PHYHIPL: variants seen among roughly 807,000 people sequenced by gnomAD.
PHYHIPL encodes the protein phytanoyl-CoA hydroxylase-interacting protein-like.
Under a neutral mutation model 33.4 loss-of-function variants are expected in PHYHIPL, and 9 were observed. The ratio of observed to expected loss-of-function variants is 0.27; its 90% CI spans 0.16 to 0.47. The LOEUF (loss-of-function observed/expected upper bound fraction) is 0.47, where lower values mean the gene tolerates loss of function less well. PHYHIPL is among the 20% of genes least tolerant of loss of function. PHYHIPL has a pLI of 0.99. For missense variants in PHYHIPL, 365 were observed against 460.7 expected, an observed-to-expected ratio of 0.79 and a Z score of 1.90; for synonymous variants, 153 against 154.1, an observed-to-expected ratio of 0.99 and a Z score of 0.05.
chr10:59,209,096 C>T (rs561294603), intron 1 of PHYHIPL, among the ~76,000 whole-genome samples: 2,385 of 151,934 alleles, frequency 0.016, 32 homozygotes, highest in Non-Finnish European at 0.026. Flanking sequence ...AGATACTCCT[C>T]GAGAAGAGCA....
intron 1 of PHYHIPL, among the ~76,000 whole-genome samples, chr10:59,218,119 A>G (rs1839667097): frequency 6.6e-6 from 1 of 152,248 alleles, no homozygotes; most frequent in South Asian, 2.1e-4. Flanking sequence ...GGTTTTGAAC[A>G]TTTTGGGCCT....
chr10:59,203,829 A>G (rs747810377), intron 1 of PHYHIPL, among the ~76,000 whole-genome samples: 7 of 152,150 alleles, frequency 4.6e-5, no homozygotes, highest in Non-Finnish European at 8.8e-5. Context: ...TGGTGAGTTA[A>G]TGGGTGCAGC....
intron 1 of PHYHIPL, among the ~76,000 whole-genome samples, chr10:59,196,108 T>G (rs753847987): frequency 4.6e-5 from 7 of 152,214 alleles, no homozygotes; most frequent in Admixed American, 2.6e-4. Flanking sequence ...CCCATTCTTG[T>G]GTGATACCTT....
chr10:59,225,661 T>C (rs183246647), intron 1 of PHYHIPL, among the ~76,000 whole-genome samples: 7 of 152,316 alleles, frequency 4.6e-5, no homozygotes, highest in Admixed American at 4.6e-4. Context: ...TAAACTAATA[T>C]GAAGTTTCTT....
At chr10:59,244,581 A>AAAAAAAAAAAAAAAAAAC in intron 4 of PHYHIPL, among the ~76,000 whole-genome samples, 1 of 148,756 alleles carries the variant, frequency 6.7e-6, no homozygotes, top group Non-Finnish European at 1.5e-5. Context: ...AAAAAAAAAA[A>AAAAAAAAAAAAAAAAAAC]AAAAAGCCAA....
intron 1 of PHYHIPL, chr10:59,219,346 GA>G (rs112522607): frequency 0.043 from 21,519 of 502,998 alleles, 1,727 homozygotes; most frequent in African/African-American, 0.25. Flanking sequence ...ATATAAAAAT[GA>G]AGTACCCATC....
chr10:59,182,308 C>T (rs1333977215), intron 1 of PHYHIPL, among the ~76,000 whole-genome samples: 1 of 152,006 alleles, frequency 6.6e-6, no homozygotes, highest in Non-Finnish European at 1.5e-5. Context: ...ACTATAAAAC[C>T]TATACCTCCT....
At chr10:59,203,373 T>C in intron 1 of PHYHIPL, among the ~76,000 whole-genome samples, 1 of 152,132 alleles carries the variant, frequency 6.6e-6, no homozygotes, top group Non-Finnish European at 1.5e-5. Flanking sequence ...TCCTCAAGGA[T>C]CTAGAACTAG....
intron 1 of PHYHIPL, among the ~76,000 whole-genome samples, chr10:59,198,942 G>C (rs1277910692): frequency 6.6e-6 from 1 of 152,112 alleles, no homozygotes; most frequent in Non-Finnish European, 1.5e-5. Context: ...GTTCTTTGTA[G>C]ATTCTAGATA....
intron 1 of PHYHIPL, among the ~76,000 whole-genome samples, chr10:59,197,732 T>C (rs549582138): frequency 1.4e-4 from 21 of 152,366 alleles, no homozygotes; most frequent in African/African-American, 5.0e-4. Flanking sequence ...GTATGTTGGT[T>C]ACAATTACCA....
chr10:59,232,246 G>A (rs893183052), intron 1 of PHYHIPL, among the ~76,000 whole-genome samples: 5 of 151,806 alleles, frequency 3.3e-5, no homozygotes, highest in Non-Finnish European at 4.4e-5. Flanking sequence ...AGAAAATTAC[G>A]ACTACCTAAG....
At chr10:59,180,255 T>TACACACAC (rs199854033) in intron 1 of PHYHIPL, among the ~76,000 whole-genome samples, 2 of 105,006 alleles carry the variant, frequency 1.9e-5, no homozygotes, top group African/African-American at 8.8e-5. Flanking sequence ...TAATCATATA[T>TACACACAC]ATACACACAC....
intron 1 of PHYHIPL, among the ~76,000 whole-genome samples, chr10:59,197,612 C>A (rs922296380): frequency 1.3e-5 from 2 of 152,098 alleles, no homozygotes; most frequent in African/African-American, 4.8e-5. Context: ...GGCCAGCATT[C>A]CCTGCTTTTA....
intron 1 of PHYHIPL, among the ~76,000 whole-genome samples, chr10:59,203,933 A>G (rs1187570257): frequency 6.6e-6 from 1 of 152,122 alleles, no homozygotes; most frequent in Non-Finnish European, 1.5e-5. Context: ...AAAAAAGGCC[A>G]TAGATAATGG....
At chr10:59,210,556 C>T (rs897977385) in intron 1 of PHYHIPL, among the ~76,000 whole-genome samples, 3 of 152,152 alleles carry the variant, frequency 2.0e-5, no homozygotes, top group African/African-American at 7.2e-5. Context: ...TACCATTTAA[C>T]CCAGCAATCC....
At position 59,246,959 on chromosome 10, in the gene PHYHIPL, C is replaced by T. The variant is rs996695600; in HGVS notation, c.*1368C>T. 1.3e-5 allele frequency: 3 copies of T among 230,290 alleles called. No individual in the cohort carries two copies. The highest frequency in any genetic ancestry group is 6.8e-5 in the African/African-American group (3 of 44,444). The allele number at this position is 230,290 out of a possible 1,614,324, so 14.3% of individuals were successfully genotyped here. A position where few individuals can be genotyped will look rare whatever the true frequency, so the allele number is the denominator to read the frequency against. ...GACAAAGATAATAATTCACAAAGTA[C>T]ATGCTATCAGAATGAACTTTGGTAA... is the stretch of plus-strand genomic sequence containing the variant. On this transcript the variant is annotated 3_prime_UTR_variant, in exon 5 of 5. Coordinates refer to ENST00000373880, the MANE Select transcript of PHYHIPL (RefSeq NM_032439.4).
At position 59,246,508 on chromosome 10, in the gene PHYHIPL, G is replaced by C; in HGVS notation, c.*917G>C. ...TTACAGAAAATAGAAATACAAACAA[G>C]GTTGGTACATGAGAGAAAATGTTGA... On this transcript the variant is annotated 3_prime_UTR_variant, in exon 5 of 5. Coordinates refer to ENST00000373880, the MANE Select transcript of PHYHIPL (RefSeq NM_032439.4). 1 of 390,466 alleles carries C rather than the reference G, an allele frequency of 2.6e-6. No homozygotes were observed. The highest frequency in any genetic ancestry group is 2.1e-5 in the African/African-American group (1 of 48,546). The allele number at this position is 390,466 out of a possible 1,614,324, so 24.2% of individuals were successfully genotyped here. A position where few individuals can be genotyped will look rare whatever the true frequency, so the allele number is the denominator to read the frequency against.
intron 1 of PHYHIPL, among the ~76,000 whole-genome samples, chr10:59,178,568 A>G (rs942798850): frequency 6.6e-6 from 1 of 152,222 alleles, no homozygotes; most frequent in Non-Finnish European, 1.5e-5. Flanking sequence ...TAATAAAAGT[A>G]GACTTCATTT....
chr10:59,236,871 C>A (rs1208292581), intron 3 of PHYHIPL, among the ~76,000 whole-genome samples: 2 of 151,744 alleles, frequency 1.3e-5, no homozygotes, highest in Admixed American at 1.3e-4. Flanking sequence ...GGCTTCAAAT[C>A]ATTTTTTTCT....
Sources: gnomAD v4.1 joint callset for allele counts (sites outside exome capture counted in the v4.1 genomes callset) on GRCh38, gnomAD v4.1.1 for gene constraint, MANE v1.5 for transcripts, NCBI Gene and HGNC (gene_info 2026-07-23, HGNC 2026-07-21) for gene names.